Variants in SCMH1 observed in about 807,000 individuals in gnomAD.
SCMH1 encodes the protein polycomb protein SCMH1.
In SCMH1, 37 loss-of-function variants were observed where a neutral mutation model predicts 70.8. That is an observed-to-expected ratio of 0.52 (90% CI 0.40 to 0.69). The LOEUF is 0.69. SCMH1 is among the 30% of genes least tolerant of loss of function. SCMH1 has a pLI of 0.00. For synonymous variants in SCMH1, 292 were observed against 307.4 expected, an observed-to-expected ratio of 0.95 and a Z score of 0.52; for missense variants, 607 against 827.3, an observed-to-expected ratio of 0.73 and a Z score of 3.27.
chr1:41,062,828 A>C (rs1173612378), intron 10 of SCMH1, among the ~76,000 whole-genome samples: 1 of 149,550 alleles, frequency 6.7e-6, no homozygotes, highest in Non-Finnish European at 1.5e-5. Flanking sequence ...CTGAGGCAGG[A>C]GAATTGCTTG....
chr1:41,065,094 G>A (rs1330687367), intron 10 of SCMH1, among the ~76,000 whole-genome samples: 4 of 152,192 alleles, frequency 2.6e-5, no homozygotes, highest in African/African-American at 9.7e-5. Flanking sequence ...TGGATAAGAA[G>A]ACTTAATTTT....
intron 6 of SCMH1, among the ~76,000 whole-genome samples, chr1:41,138,536 TCCTTAATGTC>T (rs749300399): frequency 5.3e-5 from 8 of 152,212 alleles, no homozygotes; most frequent in Non-Finnish European, 1.2e-4. Context: ...TTTATTTCCC[TCCTTAATGTC>T]CCTTATTACA....
chr1:41,043,589 ATTTTTT>A (rs71062570), intron 12 of SCMH1: 2 of 135,294 alleles, frequency 1.5e-5, no homozygotes, highest in Admixed American at 1.5e-4. Flanking sequence ...CGCCCGGCTA[ATTTTTT>A]TTTTTTTTTT....
At chr1:41,067,313 G>A (rs1440512990) in intron 10 of SCMH1, among the ~76,000 whole-genome samples, 2 of 151,570 alleles carry the variant, frequency 1.3e-5, no homozygotes, top group African/African-American at 2.4e-5. Flanking sequence ...GTGTGGTGGC[G>A]GGCGCCTGTG....
intron 7 of SCMH1, among the ~76,000 whole-genome samples, chr1:41,114,818 A>T (rs964300975): frequency 6.6e-6 from 1 of 152,056 alleles, no homozygotes; most frequent in Non-Finnish European, 1.5e-5. Flanking sequence ...CTGGGATTAC[A>T]GGCACACACC....
intron 8 of SCMH1, among the ~76,000 whole-genome samples, chr1:41,089,601 T>G (rs1351813782): frequency 6.6e-6 from 1 of 152,136 alleles, no homozygotes; most frequent in Non-Finnish European, 1.5e-5. Context: ...AGTGAGCCTG[T>G]TAAAACATGC....
At chr1:41,183,287 C>CAT (rs1424641345) in intron 2 of SCMH1, among the ~76,000 whole-genome samples, 1 of 152,194 alleles carries the variant, frequency 6.6e-6, no homozygotes, top group Non-Finnish European at 1.5e-5. Flanking sequence ...GCCTTCCAAT[C>CAT]ATACATCAGC....
chr1:41,181,815 G>T (rs1389832957), intron 2 of SCMH1, among the ~76,000 whole-genome samples: 1 of 152,170 alleles, frequency 6.6e-6, no homozygotes, highest in East Asian at 1.9e-4. Flanking sequence ...TCTAGAACTA[G>T]AAATACCATT....
At chr1:41,123,242 T>C (rs1482601408) in intron 6 of SCMH1, among the ~76,000 whole-genome samples, 1 of 152,138 alleles carries the variant, frequency 6.6e-6, no homozygotes, top group African/African-American at 2.4e-5. Context: ...TACATACATG[T>C]GGAGCAGCAG....
chr1:41,035,556 A>G (rs1279621776), intron 13 of SCMH1, among the ~76,000 whole-genome samples: 1 of 151,840 alleles, frequency 6.6e-6, no homozygotes, highest in Non-Finnish European at 1.5e-5. Flanking sequence ...TTCTCTATTC[A>G]CTGATGGACA....
chr1:41,054,069 CT>C (rs1649319660), intron 10 of SCMH1, among the ~76,000 whole-genome samples: 1 of 152,118 alleles, frequency 6.6e-6, no homozygotes, highest in African/African-American at 2.4e-5. Context: ...TGGTCTCGAT[CT>C]CCTGACCTCA....
intron 1 of SCMH1, among the ~76,000 whole-genome samples, chr1:41,240,075 T>C (rs1300764053): frequency 2.0e-5 from 3 of 152,380 alleles, no homozygotes; most frequent in East Asian, 3.9e-4. Context: ...AGAATGGTGC[T>C]ATGCAAATGT....
At position 41,192,650 on chromosome 1, in the gene SCMH1, T is replaced by C. The variant is rs182640208; in HGVS notation, c.-117-6400A>G. 6.6e-5 allele frequency among the ~76,000 whole-genome samples: 10 copies of C among 152,150 alleles called. No individual in the cohort carries two copies. The East Asian group carries it at 1.9e-3, about 29-fold the overall frequency. On this transcript the variant is annotated intron_variant, in intron 1 of 14. Coordinates refer to ENST00000337495, the Ensembl canonical transcript of SCMH1. ...AAACTATTTTGCTGCAGGCCCGGAG[T>C]GTTTACTTCAAAATTTCTTTCCATT...
chr1:41,127,743 G>A (rs1673582051), intron 6 of SCMH1, among the ~76,000 whole-genome samples: 1 of 152,052 alleles, frequency 6.6e-6, no homozygotes, highest in African/African-American at 2.4e-5. Flanking sequence ...TTATTTGATA[G>A]AACTATGGTC....
rs543520865 is a variant in SCMH1, at chr1:41,052,213, A to G, written c.1106-3323T>C. 5.3e-5 allele frequency among the ~76,000 whole-genome samples: 8 copies of G among 152,328 alleles called. No individual in the cohort carries two copies. The South Asian group carries it at 1.5e-3, about 28-fold the overall frequency. ...TCCCCAACCCCCAGGCTGAAGACCA[A>G]TACGGGGGTCTACAGCCTGTTAGGA... On this transcript the variant is annotated intron_variant, in intron 10 of 14. Coordinates refer to ENST00000337495, the Ensembl canonical transcript of SCMH1.
intron 11 of SCMH1, 161 bp from the exon 12 acceptor site, chr1:41,046,759 G>A (rs777426695): frequency 6.6e-5 from 41 of 622,110 alleles, no homozygotes; most frequent in African/African-American, 3.5e-4. Context: ...TCCCTCCCTC[G>A]AGGGCTTTGA....
intron 13 of SCMH1, among the ~76,000 whole-genome samples, chr1:41,030,672 C>A (rs1644390822): frequency 6.6e-6 from 1 of 152,170 alleles, no homozygotes; most frequent in African/African-American, 2.4e-5. Flanking sequence ...CCCCCTACCC[C>A]CACACAGTAC....
At chr1:41,238,159 A>C (rs1662773480) in intron 1 of SCMH1, among the ~76,000 whole-genome samples, 1 of 152,194 alleles carries the variant, frequency 6.6e-6, no homozygotes, top group African/African-American at 2.4e-5. Flanking sequence ...TCCAAAGCCT[A>C]GGCTCTTTCC....
chr1:41,172,184 CAA>C (rs377457192), intron 2 of SCMH1, among the ~76,000 whole-genome samples: 17 of 85,788 alleles, frequency 2.0e-4, no homozygotes, highest in East Asian at 3.3e-4. Flanking sequence ...GACTCCATCT[CAA>C]AAAAAAAAAA....
Sources: allele counts gnomAD v4.1 joint callset (sites outside exome capture counted in the v4.1 genomes callset), GRCh38; gene constraint gnomAD v4.1.1; transcripts MANE v1.5; gene names NCBI Gene and HGNC (gene_info 2026-07-23, HGNC 2026-07-21).